The following GPC6 variants were observed in gnomAD, a reference collection of about 807,000 sequenced individuals.
GPC6 encodes the protein glypican-6.
In GPC6, 14 loss-of-function variants were observed where a neutral mutation model predicts 55.2. The observed-to-expected ratio is 0.25, with a 90% CI of 0.17 to 0.40. The LOEUF is 0.40. GPC6 is among the 10% of genes least tolerant of loss of function. GPC6 has a pLI of 1.00. For missense variants in GPC6, 641 were observed against 708.5 expected (o/e 0.90, Z 1.08); for synonymous variants, 278 against 259.6 (o/e 1.07, Z -0.68).
At chr13:94,098,134 A>C (rs961950840) in intron 4 of GPC6, among the ~76,000 whole-genome samples, 1 of 152,228 alleles carries the variant, frequency 6.6e-6, no homozygotes, top group African/African-American at 2.4e-5. Flanking sequence ...CTTATTAAGA[A>C]ATGTAATATG....
At chr13:93,278,076 C>CATAAGGTTTACCATAA (rs1243983041) in intron 1 of GPC6, among the ~76,000 whole-genome samples, 1 of 151,918 alleles carries the variant, frequency 6.6e-6, no homozygotes, top group Non-Finnish European at 1.5e-5. Flanking sequence ...GCTGGTAAAC[C>CATAAGGTTTACCATAA]TTATATTTGC....
At chr13:94,312,720 G>GCACA (rs200990954) in intron 6 of GPC6, among the ~76,000 whole-genome samples, 136 of 136,266 alleles carry the variant, frequency 1.0e-3, no homozygotes, top group African/African-American at 4.0e-3. Context: ...ACACGCGCAC[G>GCACA]CACACACACA....
At chr13:94,103,061 G>A (rs754744200) in intron 4 of GPC6, among the ~76,000 whole-genome samples, 7 of 151,906 alleles carry the variant, frequency 4.6e-5, no homozygotes, top group Admixed American at 1.3e-4. Flanking sequence ...AACAGGCCCC[G>A]GTGTGTGATG....
chr13:94,389,634 G>T (rs773369565), intron 7 of GPC6, among the ~76,000 whole-genome samples: 3 of 151,998 alleles, frequency 2.0e-5, no homozygotes, highest in Non-Finnish European at 4.4e-5. Context: ...AAACTCAGAG[G>T]GATTAAAAAG....
At chr13:94,366,825 C>T (rs1208593453) in intron 6 of GPC6, among the ~76,000 whole-genome samples, 1 of 152,096 alleles carries the variant, frequency 6.6e-6, no homozygotes, top group African/African-American at 2.4e-5. Context: ...TGGTCAGCAG[C>T]GAATCAAAAG....
intron 1 of GPC6, among the ~76,000 whole-genome samples, chr13:93,276,675 G>A (rs7987788): frequency 0.033 from 5,088 of 152,074 alleles, 272 homozygotes; most frequent in African/African-American, 0.12. Context: ...ACTCGGGGAC[G>A]GAGGTGGTGC....
chr13:94,253,862 CA>C (rs1891429165), intron 4 of GPC6, among the ~76,000 whole-genome samples: 1 of 152,110 alleles, frequency 6.6e-6, no homozygotes, highest in South Asian at 2.1e-4. Context: ...AACACTTTAT[CA>C]ATTCTTCTTT....
intron 6 of GPC6, among the ~76,000 whole-genome samples, chr13:94,359,785 A>G (rs1341930769): frequency 1.3e-5 from 2 of 152,052 alleles, no homozygotes; most frequent in African/African-American, 2.4e-5. Context: ...TACTGTTTTT[A>G]TACTTATCTG....
At chr13:93,859,446 G>A (rs1339896177) in intron 3 of GPC6, among the ~76,000 whole-genome samples, 1 of 151,522 alleles carries the variant, frequency 6.6e-6, no homozygotes, top group African/African-American at 2.4e-5. Context: ...CATTTGACAG[G>A]TTTTTACCTT....
chr13:93,317,405 G>T (rs1357807613), intron 1 of GPC6, among the ~76,000 whole-genome samples: 1 of 152,152 alleles, frequency 6.6e-6, no homozygotes, highest in Admixed American at 6.6e-5. Context: ...GACCTCCCAT[G>T]CTTCAAAGTG....
intron 3 of GPC6, among the ~76,000 whole-genome samples, chr13:94,018,027 T>C (rs1324896087): frequency 6.6e-6 from 1 of 152,226 alleles, no homozygotes; most frequent in Non-Finnish European, 1.5e-5. Context: ...TTCAGTCTTA[T>C]ATCATTGAAT....
chr13:93,518,445 C>G (rs1166781315), intron 1 of GPC6, among the ~76,000 whole-genome samples: 1 of 151,880 alleles, frequency 6.6e-6, no homozygotes, highest in Non-Finnish European at 1.5e-5. Context: ...ACCCTACTAC[C>G]GTCTTTGACA....
chr13:93,291,922 T>C (rs1228973592), intron 1 of GPC6, among the ~76,000 whole-genome samples: 2 of 152,294 alleles, frequency 1.3e-5, no homozygotes, highest in Admixed American at 1.3e-4. Flanking sequence ...AAAGCCATTA[T>C]AAAAATTTTC....
intron 1 of GPC6, among the ~76,000 whole-genome samples, chr13:93,228,510 G>A (rs1235861542): frequency 1.3e-5 from 2 of 152,186 alleles, no homozygotes; most frequent in Non-Finnish European, 2.9e-5. Flanking sequence ...CTCGGCGCCA[G>A]TGTGTGTAGC....
intron 6 of GPC6, among the ~76,000 whole-genome samples, chr13:94,354,650 G>GGCAAATGCTGAATGAATCGATAT: frequency 6.6e-6 from 1 of 152,322 alleles, no homozygotes; most frequent in East Asian, 1.9e-4. Context: ...GTAAGCTCTA[G>GGCAAATGCTGAATGAATCGATAT]GCAAATGCTG....
rs1301386926 is a variant in GPC6 at position 93,522,120 on chromosome 13, C to A, written c.161-23143C>A. ...ATTGCTGGGTATCTTTGGTGGAAAA[C>A]TAAGCAGTTTCTAGGCACACCCTCT... On this transcript the variant is annotated intron_variant, in intron 1 of 8. Coordinates refer to ENST00000377047, the MANE Select transcript of GPC6 (RefSeq NM_005708.5). Among the ~76,000 whole-genome samples the A allele has an allele frequency of 2.0e-5, 3 of 152,052 alleles. No homozygotes were observed. In the East Asian group the frequency reaches 5.8e-4, roughly 29 times the overall value.
chr13:93,993,909 G>T (rs1182001700), intron 3 of GPC6, among the ~76,000 whole-genome samples: 1 of 152,074 alleles, frequency 6.6e-6, no homozygotes, highest in Non-Finnish European at 1.5e-5. Flanking sequence ...CTGTATGTGG[G>T]AATATTTATA....
chr13:94,159,840 C>A (rs1423890140), intron 4 of GPC6, among the ~76,000 whole-genome samples: 1 of 152,182 alleles, frequency 6.6e-6, no homozygotes, highest in Admixed American at 6.5e-5. Context: ...TCAAGCAAAT[C>A]CTGCCCATAC....
intron 1 of GPC6, among the ~76,000 whole-genome samples, chr13:93,422,261 AT>A (rs1292286248): frequency 6.6e-6 from 1 of 152,190 alleles, no homozygotes; most frequent in Admixed American, 6.6e-5. Flanking sequence ...CAGCAACAAA[AT>A]TCATTACTTG....
Sources: gnomAD v4.1 joint callset for allele counts (sites outside exome capture counted in the v4.1 genomes callset) on GRCh38, gnomAD v4.1.1 for gene constraint, MANE v1.5 for transcripts, NCBI Gene and HGNC (gene_info 2026-07-23, HGNC 2026-07-21) for gene names.